Variants in OR1J2 observed in about 807,000 individuals in gnomAD.
OR1J2 encodes olfactory receptor family 1 subfamily J member 2, also known as olfactory receptor 1J2.
For synonymous variants in OR1J2, 142 were observed against 99.7 expected, an observed-to-expected ratio of 1.42 and a Z score of -2.52; for missense variants, 304 against 246.1, an observed-to-expected ratio of 1.24 and a Z score of -1.57.
At chr9:122,566,253 A>T in the OR1J2 span, among the ~76,000 whole-genome samples, 1 of 152,174 alleles carries the variant, frequency 6.6e-6, no homozygotes, top group South Asian at 2.1e-4. Flanking sequence ...TAATTTATGA[A>T]GTCTTTCACC....
chr9:122,576,742 C>G, the OR1J2 span: 1 of 152,182 alleles, frequency 6.6e-6, no homozygotes, highest in Non-Finnish European at 1.5e-5. Context: ...AGCAATTCAT[C>G]AATTACAGTT....
chr9:122,452,116 G>A, the OR1J2 span, among the ~76,000 whole-genome samples: 2 of 152,090 alleles, frequency 1.3e-5, no homozygotes, highest in African/African-American at 4.8e-5. Context: ...CTGACCTTGT[G>A]ATCCACCTGC....
the OR1J2 span, among the ~76,000 whole-genome samples, chr9:122,450,402 G>T: frequency 6.6e-6 from 1 of 152,174 alleles, no homozygotes; most frequent in African/African-American, 2.4e-5. Context: ...CTGCACTCCA[G>T]CCTGGGTGAC....
chr9:122,522,657 G>A, the OR1J2 span, among the ~76,000 whole-genome samples: 2 of 151,884 alleles, frequency 1.3e-5, no homozygotes, highest in Non-Finnish European at 2.9e-5. Flanking sequence ...GACAAATGTT[G>A]GAATTAATAC....
the OR1J2 span, among the ~76,000 whole-genome samples, chr9:122,539,858 A>T: frequency 1.3e-5 from 2 of 152,140 alleles, no homozygotes; most frequent in South Asian, 4.2e-4. Context: ...CATTTCTCTG[A>T]TGGCCAGTGA....
At chr9:122,554,246 G>T in the OR1J2 span, 1 of 1,018,506 alleles carries the variant, frequency 9.8e-7, no homozygotes, top group Non-Finnish European at 1.4e-6. Flanking sequence ...CTGTCATGTT[G>T]ATATTAGGGG....
At chr9:122,549,681 G>C in the OR1J2 span, among the ~76,000 whole-genome samples, 1 of 152,098 alleles carries the variant, frequency 6.6e-6, no homozygotes, top group East Asian at 1.9e-4. Flanking sequence ...TAAGTATGTG[G>C]CTTTATTTCC....
chr9:122,576,685 T>C, the OR1J2 span: 1 of 152,356 alleles, frequency 6.6e-6, no homozygotes, highest in African/African-American at 2.4e-5. Context: ...CTATGACTGG[T>C]TCCCCCTAGA....
chr9:122,514,612 G>A (rs1828675683), downstream of OR1J2, among the ~76,000 whole-genome samples: 1 of 152,164 alleles, frequency 6.6e-6, no homozygotes, highest in Non-Finnish European at 1.5e-5. Context: ...ATGAAAGGGT[G>A]AGATACTTTG....
chr9:122,542,234 A>C, the OR1J2 span, among the ~76,000 whole-genome samples: 1 of 152,358 alleles, frequency 6.6e-6, no homozygotes, highest in Non-Finnish European at 1.5e-5. Flanking sequence ...TCTCTGTTGA[A>C]TAATGGTGGG....
At chr9:122,499,736 C>A in the OR1J2 span, among the ~76,000 whole-genome samples, 1 of 152,220 alleles carries the variant, frequency 6.6e-6, no homozygotes, top group Admixed American at 6.5e-5. Flanking sequence ...GCACCAAGAT[C>A]TATGTCCAGG....
In OR1J2 at chr9:122,510,913, A is replaced by G; in HGVS notation, c.112A>G (p.Thr38Ala). The change falls in exon 1 of 1, where the codon ACG (threonine) becomes GCG (alanine). Residue 38 changes from threonine (T) to alanine (A), a missense_variant. Coordinates refer to ENST00000335302, the MANE Select transcript of OR1J2 (RefSeq NM_054107.1). ...CCTGTTCCTGGGCATGTACCTGACC[A>G]CGGTGCTGGGGAACCTGCTCATCAT... ...FTLFLGMYLT[T>A]VLGNLLIMLL... 6.2e-7 allele frequency: 1 copy of G among 1,612,448 alleles called. No individual in the cohort carries two copies. The highest frequency in any genetic ancestry group is 8.5e-7 in the Non-Finnish European group (1 of 1,178,528).
chr9:122,537,861 G>A, the OR1J2 span, among the ~76,000 whole-genome samples: 5 of 152,186 alleles, frequency 3.3e-5, no homozygotes, highest in Admixed American at 6.5e-5. Flanking sequence ...AAGGGTCCTG[G>A]AAAGGGTTGC....
chr9:122,466,226 A>G, the OR1J2 span, among the ~76,000 whole-genome samples: 3 of 152,196 alleles, frequency 2.0e-5, no homozygotes, highest in African/African-American at 7.2e-5. Context: ...CAAGCAGACA[A>G]ACAAACAAAA....
At chr9:122,550,561 GT>G in the OR1J2 span, among the ~76,000 whole-genome samples, 45,588 of 148,920 alleles carry the variant, frequency 0.31, 7,418 homozygotes, top group East Asian at 0.54. Flanking sequence ...GATCAAGTGG[GT>G]TTTTTTTTTG....
At chr9:122,491,949 G>T in the OR1J2 span, among the ~76,000 whole-genome samples, 1 of 151,882 alleles carries the variant, frequency 6.6e-6, no homozygotes. Flanking sequence ...CTATATAATG[G>T]GTAGGATAAA....
the OR1J2 span, among the ~76,000 whole-genome samples, chr9:122,487,915 G>C: frequency 6.6e-6 from 1 of 152,242 alleles, no homozygotes; most frequent in East Asian, 1.9e-4. Context: ...ACATCTATAA[G>C]ATTTTTTAAG....
chr9:122,503,071 C>T, the OR1J2 span, among the ~76,000 whole-genome samples: 1 of 152,090 alleles, frequency 6.6e-6, no homozygotes, highest in Non-Finnish European at 1.5e-5. Flanking sequence ...TCTGTCAAAC[C>T]AATTTAAGTG....
the OR1J2 span, among the ~76,000 whole-genome samples, chr9:122,487,188 A>G: frequency 6.6e-6 from 1 of 152,216 alleles, no homozygotes; most frequent in East Asian, 1.9e-4. Context: ...TTTAAAGGAC[A>G]TAATAGGAAA....
Sources: allele counts gnomAD v4.1 joint callset (sites outside exome capture counted in the v4.1 genomes callset), GRCh38; gene constraint gnomAD v4.1.1; transcripts MANE v1.5; gene names NCBI Gene and HGNC (gene_info 2026-07-23, HGNC 2026-07-21).